PTP4A2: variants seen among roughly 807,000 people sequenced by gnomAD.
PTP4A2 encodes protein tyrosine phosphatase 4A2.
Under a neutral mutation model 22.9 loss-of-function variants are expected in PTP4A2, and 2 were observed. The observed-to-expected ratio is 0.09, with a 90% CI of 0.04 to 0.27. The LOEUF is 0.27. Among genes scored for constraint, PTP4A2 ranks in the 10% least tolerant of loss-of-function variants. PTP4A2 has a pLI of 1.00. For missense variants in PTP4A2, 103 were observed against 205.1 expected (o/e 0.50, Z 3.04); for synonymous variants, 68 against 69.1 (o/e 0.98, Z 0.08).
At chr1:31,936,536 T>C (rs1652940392) in intron 1 of PTP4A2, among the ~76,000 whole-genome samples, 1 of 152,208 alleles carries the variant, frequency 6.6e-6, no homozygotes, top group Non-Finnish European at 1.5e-5. Context: ...ACATTATTTT[T>C]AAGATAACAT....
In PTP4A2 at chr1:31,906,468, G is replaced by C. The variant is rs1651166529; in HGVS notation, c.*2384C>G. On this transcript the variant is annotated 3_prime_UTR_variant, in exon 6 of 6. Coordinates refer to ENST00000647444, the MANE Select transcript of PTP4A2 (RefSeq NM_080391.4). ...TGTTCTTTAAAAGGGTTCAGGGTTT[G>C]GTTTTAAATCAGGCTGCACACCTTT... 1 of 152,042 alleles carries C rather than the reference G, an allele frequency of 6.6e-6. No homozygotes were observed. Among genetic ancestry groups the C allele is most frequent in the Non-Finnish European group, 1.5e-5 (1 of 68,016 alleles). 9.4% of individuals were successfully genotyped at this position (152,042 alleles called of 1,614,324 possible).
At chr1:31,929,778 A>C (rs1427384679) in intron 1 of PTP4A2, among the ~76,000 whole-genome samples, 1 of 152,228 alleles carries the variant, frequency 6.6e-6, no homozygotes, top group Non-Finnish European at 1.5e-5. Context: ...TTAATAAATA[A>C]TTTAAGATTC....
intron 1 of PTP4A2, among the ~76,000 whole-genome samples, chr1:31,931,376 C>G (rs948134107): frequency 1.3e-5 from 2 of 152,082 alleles, no homozygotes; most frequent in Non-Finnish European, 2.9e-5. Flanking sequence ...AAGCCTTGAC[C>G]GGGCTGAGAA....
chr1:31,909,872 G>C (rs564239417), intron 5 of PTP4A2, among the ~76,000 whole-genome samples, 166 bp downstream of exon 5: 5 of 152,154 alleles, frequency 3.3e-5, no homozygotes, highest in Non-Finnish European at 1.5e-5. Context: ...GAAACCAGCT[G>C]TACTGAGTCT....
In PTP4A2 at chr1:31,915,925, A is replaced by C; in HGVS notation, c.159T>G (p.Ala53=). ...VRVCDATYDK[A]PVEKEGIHVL... Reference sequence around the variant, plus strand: ...CGTGGATTCCTTCTTTTTCAACTGGAGCTTTATCATATGTAGCATCACAAA... The same window carrying C: ...CGTGGATTCCTTCTTTTTCAACTGGCGCTTTATCATATGTAGCATCACAAA... Residue 53 remains alanine (A), a synonymous_variant, in exon 3 of 6, where the codon GCT becomes GCG. Transcript: ENST00000647444. The C allele has an allele frequency of 6.2e-7, 1 of 1,607,154 alleles. No individual in the cohort carries two copies. The highest frequency in any genetic ancestry group is 8.5e-7 in the Non-Finnish European group (1 of 1,176,778).
In PTP4A2 at chr1:31,936,491, C is replaced by T. The variant is rs189181006; in HGVS notation, c.-594+1496G>A. Among the ~76,000 whole-genome samples the T allele has an allele frequency of 9.9e-5, 15 of 151,856 alleles. 1 individual carries two copies. Among genetic ancestry groups the T allele is most frequent in the Admixed American group, 3.3e-4 (5 of 15,274 alleles). On this transcript the variant is annotated intron_variant, in intron 1 of 5. Coordinates refer to ENST00000647444, the MANE Select transcript of PTP4A2 (RefSeq NM_080391.4). Reference sequence around the variant, plus strand: ...CTTCTATCGCTTCTCGGCCTTTTGGCTAAGATCAAGTGAAAGACTACCAAC... The same window carrying T: ...CTTCTATCGCTTCTCGGCCTTTTGGTTAAGATCAAGTGAAAGACTACCAAC...
At chr1:31,911,507 C>A (rs187844402) in intron 4 of PTP4A2, among the ~76,000 whole-genome samples, 189 bp downstream of exon 4, 2 of 152,198 alleles carry the variant, frequency 1.3e-5, no homozygotes, top group African/African-American at 4.8e-5. Flanking sequence ...CAGAATCAGA[C>A]AACCAGATGA....
At chr1:31,926,272 G>A (rs924549364) in intron 1 of PTP4A2, among the ~76,000 whole-genome samples, 7 of 149,944 alleles carry the variant, frequency 4.7e-5, no homozygotes, top group Middle Eastern at 3.4e-3. Flanking sequence ...GGTGAGCTAC[G>A]CCAGTATTCA....
At chr1:31,927,317 T>G (rs1652510107) in intron 1 of PTP4A2, among the ~76,000 whole-genome samples, 1 of 151,912 alleles carries the variant, frequency 6.6e-6, no homozygotes, top group South Asian at 2.1e-4. Flanking sequence ...ACACATAGAC[T>G]CAAAGAGGGG....
At chr1:31,932,506 C>A (rs2124268652) in intron 1 of PTP4A2, among the ~76,000 whole-genome samples, 1 of 152,188 alleles carries the variant, frequency 6.6e-6, no homozygotes, top group East Asian at 1.9e-4. Context: ...AACCTGTGGG[C>A]AAGAAAATCA....
chr1:31,930,018 T>G (rs1652648333), intron 1 of PTP4A2, among the ~76,000 whole-genome samples: 1 of 152,222 alleles, frequency 6.6e-6, no homozygotes, highest in African/African-American at 2.4e-5. Context: ...GCAAAAACTT[T>G]CCGGCTACTG....
intron 3 of PTP4A2, 113 bp downstream of exon 3, chr1:31,915,782 T>A: frequency 1.5e-6 from 1 of 676,050 alleles, no homozygotes; most frequent in Non-Finnish European, 2.5e-6. Context: ...TCAAGTGATC[T>A]TCCCACAATA....
intron 1 of PTP4A2, among the ~76,000 whole-genome samples, chr1:31,932,480 G>A (rs1290147462): frequency 1.3e-5 from 2 of 152,164 alleles, no homozygotes; most frequent in Non-Finnish European, 2.9e-5. Context: ...AAATGAAGTG[G>A]ATGCTGTGTT....
chr1:31,909,163 GCTGA>G (rs1192849767), intron 5 of PTP4A2, among the ~76,000 whole-genome samples: 8 of 152,120 alleles, frequency 5.3e-5, no homozygotes, highest in Admixed American at 2.0e-4. Flanking sequence ...AATTTTTCTT[GCTGA>G]CTGTCATTAT....
Position 31,935,009 on chromosome 1 carries a change from T to A in PTP4A2, c.-594+2978A>T, listed in dbSNP as rs923512576. On this transcript the variant is annotated intron_variant, in intron 1 of 5. Coordinates refer to ENST00000647444, the MANE Select transcript of PTP4A2 (RefSeq NM_080391.4). The stretch of plus-strand genomic sequence containing the variant: ...TGTTGCCTTAGTAGAAAGATCTTAG[T>A]GGTAATAATACTTTGAATCTGTAGT... Among the ~76,000 whole-genome samples, 8 of 152,216 alleles carry A rather than the reference T, an allele frequency of 5.3e-5. No homozygotes were observed. The South Asian group carries it at 8.3e-4, about 16-fold the overall frequency.
rs1303966048 is a variant in PTP4A2, at chr1:31,912,773, C to CT, written c.190-948dup. On this transcript the variant is annotated intron_variant, in intron 3 of 5. Coordinates refer to ENST00000647444, the MANE Select transcript of PTP4A2 (RefSeq NM_080391.4). ...ATTCTAATGAGATTGGATAAGGACA[C>CT]TTTAAGATATTAGGGGAGGAAAAAG... Among the ~76,000 whole-genome samples, 11 of 152,114 alleles carry CT rather than the reference C, an allele frequency of 7.2e-5. 1 individual carries two copies. The highest frequency in any genetic ancestry group is 6.5e-5 in the Admixed American group (1 of 15,272).
At chr1:31,920,491 CAAAT>C (rs1557864805) in intron 1 of PTP4A2, among the ~76,000 whole-genome samples, 1 of 149,464 alleles carries the variant, frequency 6.7e-6, no homozygotes, top group Non-Finnish European at 1.5e-5. Flanking sequence ...ACTTTTAACT[CAAAT>C]AATTTTTAAA....
chr1:31,909,781 G>A (rs1007711572), intron 5 of PTP4A2, among the ~76,000 whole-genome samples: 6 of 152,036 alleles, frequency 3.9e-5, no homozygotes, highest in Admixed American at 6.6e-5. Context: ...ATTAAAAGGG[G>A]CATTTTTGAG....
chr1:31,936,518 T>G (rs1469091858), intron 1 of PTP4A2, among the ~76,000 whole-genome samples: 1 of 152,198 alleles, frequency 6.6e-6, no homozygotes, highest in Admixed American at 6.5e-5. Flanking sequence ...ACTACCAACT[T>G]CTAGGAGACA....
Sources: allele counts gnomAD v4.1 joint callset (sites outside exome capture counted in the v4.1 genomes callset), GRCh38; gene constraint gnomAD v4.1.1; transcripts MANE v1.5; gene names NCBI Gene and HGNC (gene_info 2026-07-23, HGNC 2026-07-21).